The following CMPK1 variants were observed in gnomAD, a reference collection of about 807,000 sequenced individuals.
The protein encoded by CMPK1 is UMP-CMP kinase.
In CMPK1, 10 loss-of-function variants were observed where a neutral mutation model predicts 25.7. That is an observed-to-expected ratio of 0.39 (90% CI 0.24 to 0.66). The LOEUF (loss-of-function observed/expected upper bound fraction) is 0.66. Among genes scored for constraint, CMPK1 ranks in the 30% least tolerant of loss-of-function variants. The pLI is 0.48. For synonymous variants in CMPK1, 106 were observed against 101.5 expected, an observed-to-expected ratio of 1.04 and a Z score of -0.27; for missense variants, 199 against 280.5, an observed-to-expected ratio of 0.71 and a Z score of 2.08.
intron 1 of CMPK1, among the ~76,000 whole-genome samples, chr1:47,362,669 T>G (rs1423710247): frequency 6.6e-6 from 1 of 152,250 alleles, no homozygotes; most frequent in African/African-American, 2.4e-5. Context: ...CATGCTAATT[T>G]GGAGGTTATC....
In CMPK1 at chr1:47,349,736, TTC is replaced by T. The variant is rs528548472; in HGVS notation, c.171+15622_171+15623del. 2.6e-5 allele frequency among the ~76,000 whole-genome samples: 4 copies of T among 152,328 alleles called. No individual in the cohort carries two copies. In the East Asian group the frequency reaches 7.7e-4, roughly 29 times the overall value. The stretch of plus-strand genomic sequence containing the variant: ...AAGAAATGTGCTATTAGGGCCAACT[TTC>T]TAAATGTTCTTGTTTGTTTGTTTGT... On this transcript the variant is annotated intron_variant, in intron 1 of 5. Coordinates refer to ENST00000371873, the MANE Select transcript of CMPK1 (RefSeq NM_016308.3).
chr1:47,350,688 T>G lies in CMPK1; in HGVS notation c.171+16572T>G, dbSNP rs371474635. ...GGTGGGCGAATCACGAGGTCAGGAG[T>G]TCGAGACCAGCCTGATCAACATGGT... On this transcript the variant is annotated intron_variant, in intron 1 of 5. Transcript: ENST00000371873. 2.3e-3 allele frequency among the ~76,000 whole-genome samples: 355 copies of G among 151,660 alleles called. 14 individuals are homozygous for G. In the South Asian group the frequency reaches 0.071, roughly 30 times the overall value.
rs75517625 is a variant in CMPK1, at chr1:47,356,817, C to T, written c.172-11652C>T. ...CTGGGATCTGAGATGTGTGCCACCA[C>T]GCCAGGCTAATTTTTGTATTTTTAG... On this transcript the variant is annotated intron_variant, in intron 1 of 5. Coordinates refer to ENST00000371873, the MANE Select transcript of CMPK1 (RefSeq NM_016308.3). Among the ~76,000 whole-genome samples, 1,487 of 152,172 alleles carry T rather than the reference C, an allele frequency of 9.8e-3. 8 individuals are homozygous for T. The highest frequency in any genetic ancestry group is 0.03 in the East Asian group (156 of 5,170).
intron 1 of CMPK1, among the ~76,000 whole-genome samples, chr1:47,344,009 A>C (rs12117686): frequency 0.25 from 38,076 of 151,532 alleles, 5,191 homozygotes; most frequent in Non-Finnish European, 0.32. Context: ...TCAAGGCTGC[A>C]ATAAGACATG....
Position 47,361,964 on chromosome 1 carries a change from A to G in CMPK1, c.172-6505A>G, listed in dbSNP as rs537701006. On this transcript the variant is annotated intron_variant, in intron 1 of 5. Transcript: ENST00000371873. ...TGGCTCACCACAACCTCCGCCTCCC[A>G]GGTTCAAGCAATTTTCCTGTCTCAG... 5.6e-5 allele frequency among the ~76,000 whole-genome samples: 8 copies of G among 141,736 alleles called. No homozygotes were observed. The East Asian group carries it at 1.7e-3, about 31-fold the overall frequency. 93.0% of individuals were successfully genotyped at this position (141,736 alleles called of 152,430 possible).
At chr1:47,363,664 AACAG>A (rs1200299818) in intron 1 of CMPK1, among the ~76,000 whole-genome samples, 2 of 147,636 alleles carry the variant, frequency 1.4e-5, no homozygotes, top group African/African-American at 5.0e-5. Context: ...ACAAACAAAA[AACAG>A]GCACGGTGGC....
chr1:47,368,053 G>A (rs1043197887), intron 1 of CMPK1, among the ~76,000 whole-genome samples: 5 of 152,044 alleles, frequency 3.3e-5, no homozygotes, highest in Non-Finnish European at 5.9e-5. Context: ...GGGTTCAAGC[G>A]ATTCTCCTGC....
chr1:47,359,419 G>A lies in CMPK1; in HGVS notation c.172-9050G>A, dbSNP rs181350006. On this transcript the variant is annotated intron_variant, in intron 1 of 5. Coordinates refer to ENST00000371873, the MANE Select transcript of CMPK1 (RefSeq NM_016308.3). ...TTTTTTTTTTTTGAGATAAAGTCTT[G>A]CTCTGTCACCCAGGCTGGAGTGCAA... 2.4e-3 allele frequency among the ~76,000 whole-genome samples: 241 copies of A among 102,068 alleles called. 1 individual carries two copies. The highest frequency in any genetic ancestry group is 3.8e-3 in the Non-Finnish European group (205 of 54,140). 67.0% of individuals were successfully genotyped at this position (102,068 alleles called of 152,430 possible). A position where few individuals can be genotyped will look rare whatever the true frequency, so the allele number is the denominator to read the frequency against.
chr1:47,361,432 A>G (rs1646600670), intron 1 of CMPK1, among the ~76,000 whole-genome samples: 2 of 152,172 alleles, frequency 1.3e-5, no homozygotes, highest in Admixed American at 1.3e-4. Context: ...TTGGCTCTTT[A>G]GGTCAAAGGC....
intron 1 of CMPK1, among the ~76,000 whole-genome samples, chr1:47,343,391 C>G (rs1447773030): frequency 6.6e-6 from 1 of 151,478 alleles, no homozygotes; most frequent in African/African-American, 2.4e-5. Context: ...GGCTGTAATC[C>G]CAGCTACTCC....
intron 2 of CMPK1, among the ~76,000 whole-genome samples, chr1:47,369,909 C>CTCTT (rs1485648990): frequency 0.023 from 2,198 of 93,708 alleles, 152 homozygotes; most frequent in African/African-American, 0.079. Context: ...CTTTCTCTCT[C>CTCTT]TTTTTTTTTT....
At chr1:47,358,431 T>A in intron 1 of CMPK1, 1 of 1,205,792 alleles carries the variant, frequency 8.3e-7, no homozygotes, top group Non-Finnish European at 1.0e-6. Context: ...TAGAAGTTTG[T>A]TCTTCAAGAG....
intron 1 of CMPK1, among the ~76,000 whole-genome samples, chr1:47,346,291 G>A (rs891772450): frequency 2.7e-5 from 4 of 150,148 alleles, no homozygotes; most frequent in East Asian, 2.0e-4. Context: ...CTCGTGATCC[G>A]CCAGCCTCAG....
chr1:47,339,229 C>T (rs1468084865), intron 1 of CMPK1, among the ~76,000 whole-genome samples: 1 of 151,932 alleles, frequency 6.6e-6, no homozygotes, highest in Non-Finnish European at 1.5e-5. Flanking sequence ...AGGCTGGTCT[C>T]GAACTTCTGA....
chr1:47,373,203 G>T (rs554208360), intron 3 of CMPK1, 96 bp downstream of exon 3: 2 of 1,158,760 alleles, frequency 1.7e-6, no homozygotes, highest in Non-Finnish European at 2.4e-6. Flanking sequence ...TTTTATATTG[G>T]CAGCAGTGTT....
At chr1:47,357,259 G>A (rs1440267678) in intron 1 of CMPK1, among the ~76,000 whole-genome samples, 9 of 152,130 alleles carry the variant, frequency 5.9e-5, no homozygotes, top group Non-Finnish European at 8.8e-5. Flanking sequence ...GAGCCACCGC[G>A]CCCAGCCCTG....
At chr1:47,361,490 G>T (rs532254350) in intron 1 of CMPK1, among the ~76,000 whole-genome samples, 1 of 152,194 alleles carries the variant, frequency 6.6e-6, no homozygotes, top group East Asian at 1.9e-4. Context: ...CTATAAAGTG[G>T]CTGAAACTGG....
At chr1:47,369,741 T>G (rs995448568) in intron 2 of CMPK1, among the ~76,000 whole-genome samples, 2 of 151,472 alleles carry the variant, frequency 1.3e-5, no homozygotes, top group African/African-American at 4.9e-5. Flanking sequence ...TTTGTATTTT[T>G]AATAGAGATA....
intron 1 of CMPK1, among the ~76,000 whole-genome samples, chr1:47,336,132 G>A (rs573495867): frequency 6.9e-4 from 47 of 67,842 alleles, no homozygotes; most frequent in African/African-American, 3.7e-3. Context: ...GCGAGACTCC[G>A]TCTCAGAAAT....
Sources: gnomAD v4.1 joint callset for allele counts (sites outside exome capture counted in the v4.1 genomes callset) on GRCh38, gnomAD v4.1.1 for gene constraint, MANE v1.5 for transcripts, NCBI Gene and HGNC (gene_info 2026-07-23, HGNC 2026-07-21) for gene names.